Variants in CDC73 observed in about 807,000 individuals in gnomAD.
CDC73 encodes parafibromin.
CDC73 carries 21 observed loss-of-function variants against 83.7 expected under a neutral mutation model. The observed-to-expected ratio is 0.25, with a 90% CI of 0.18 to 0.36. CDC73 has a LOEUF of 0.36. Among genes scored for constraint, CDC73 ranks in the 10% least tolerant of loss-of-function variants. The pLI, the probability that CDC73 is intolerant of heterozygous loss-of-function variation, is 1.00. For synonymous variants in CDC73, 224 were observed against 212.9 expected (o/e 1.05, Z -0.45); for missense variants, 342 against 653.3 (o/e 0.52, Z 5.19).
chr1:193,167,009 T>C (rs912203778), intron 10 of CDC73, among the ~76,000 whole-genome samples: 2 of 152,238 alleles, frequency 1.3e-5, no homozygotes, highest in African/African-American at 2.4e-5. Context: ...CCAAAATTGA[T>C]TGCAAATTCA....
intron 10 of CDC73, among the ~76,000 whole-genome samples, chr1:193,164,799 AT>A (rs1326578672): frequency 7.2e-5 from 11 of 152,268 alleles, no homozygotes; most frequent in African/African-American, 2.6e-4. Context: ...AGATGTATAG[AT>A]TACTGAGTCA....
At chr1:193,173,326 T>C (rs1676550575) in intron 10 of CDC73, among the ~76,000 whole-genome samples, 1 of 152,224 alleles carries the variant, frequency 6.6e-6, no homozygotes, top group African/African-American at 2.4e-5. Flanking sequence ...TCACACAGAT[T>C]GTATAATTAC....
chr1:193,166,681 C>G (rs1478450045), intron 10 of CDC73, among the ~76,000 whole-genome samples: 7 of 147,188 alleles, frequency 4.8e-5, no homozygotes, highest in Non-Finnish European at 7.4e-5. Context: ...CCGAGTTTTG[C>G]TCTTGTTGCC....
At chr1:193,188,172 G>A (rs1676852777) in intron 10 of CDC73, among the ~76,000 whole-genome samples, 1 of 152,184 alleles carries the variant, frequency 6.6e-6, no homozygotes, top group Admixed American at 6.5e-5. Flanking sequence ...TGCGTGCTAA[G>A]CTTACTTGAG....
At chr1:193,152,917 A>G (rs1341736978) in intron 10 of CDC73, among the ~76,000 whole-genome samples, 1 of 152,048 alleles carries the variant, frequency 6.6e-6, no homozygotes, top group East Asian at 1.9e-4. Flanking sequence ...AGTAGCTGGG[A>G]CTACAGGTGC....
At chr1:193,210,012 T>A (rs1358962373) in intron 11 of CDC73, among the ~76,000 whole-genome samples, 2 of 152,228 alleles carry the variant, frequency 1.3e-5, no homozygotes, top group East Asian at 3.8e-4. Flanking sequence ...ACCGAGACTA[T>A]ATTATATTCC....
intron 10 of CDC73, among the ~76,000 whole-genome samples, chr1:193,178,688 A>G (rs1280450696): frequency 6.6e-6 from 1 of 152,194 alleles, no homozygotes; most frequent in East Asian, 1.9e-4. Context: ...AGTGAAAGAC[A>G]GGCTTGATCC....
chr1:193,212,046 T>C lies in CDC73; in HGVS notation c.1031-19T>C. 6.4e-7 allele frequency: 1 copy of C among 1,560,358 alleles called. No individual in the cohort carries two copies. The highest frequency in any genetic ancestry group is 8.8e-7 in the Non-Finnish European group (1 of 1,142,254). On this transcript the variant is annotated intron_variant, in intron 11 of 16. Coordinates refer to ENST00000367435, the MANE Select transcript of CDC73 (RefSeq NM_024529.5). ...TGGTTTTTATGACACAGAGTTGTGA[T>C]TTTTTTTCTTTTTCACAGTTTCTCA...
chr1:193,169,456 G>A (rs371625846), intron 10 of CDC73, among the ~76,000 whole-genome samples: 1 of 151,952 alleles, frequency 6.6e-6, no homozygotes, highest in South Asian at 2.1e-4. Flanking sequence ...GAGGTAGGAG[G>A]ATCACTTGAG....
Position 193,122,311 on chromosome 1 carries a change from G to A in CDC73, c.111G>A (p.Lys37=), listed in dbSNP as rs1355286253. Residue 37 remains lysine, a synonymous_variant, in exon 1 of 17, where the codon AAG becomes AAA. Coordinates refer to ENST00000367435, the MANE Select transcript of CDC73 (RefSeq NM_024529.5). ...AGTTCTCCTGGCCCAAGAATGTGAAGACCAACTATGTTGTTTGGGGGTAAG... is the reference window on the plus strand; with the variant it reads ...AGTTCTCCTGGCCCAAGAATGTGAAAACCAACTATGTTGTTTGGGGGTAAG... ...FGEFSWPKNV[K]TNYVVWGTGK... The A allele has an allele frequency of 5.0e-6, 8 of 1,614,062 alleles. No individual in the cohort carries two copies. The highest frequency in any genetic ancestry group is 4.4e-5 in the South Asian group (4 of 91,086).
At chr1:193,250,500 AG>A (rs1196071678) in intron 16 of CDC73, among the ~76,000 whole-genome samples, 175 bp from the exon 17 acceptor site, 1 of 151,818 alleles carries the variant, frequency 6.6e-6, no homozygotes, top group Non-Finnish European at 1.5e-5. Flanking sequence ...TTACTTAATA[AG>A]AGGAGTGTTA....
chr1:193,173,914 C>G (rs1676561063), intron 10 of CDC73, among the ~76,000 whole-genome samples: 1 of 151,774 alleles, frequency 6.6e-6, no homozygotes, highest in Admixed American at 6.6e-5. Context: ...TTTGGGATAT[C>G]TTTATTCTAA....
intron 10 of CDC73, among the ~76,000 whole-genome samples, chr1:193,166,672 C>T (rs1050725811): frequency 3.4e-5 from 5 of 148,396 alleles, no homozygotes; most frequent in African/African-American, 9.9e-5. Context: ...TTTTTGAGAC[C>T]GAGTTTTGCT....
intron 10 of CDC73, among the ~76,000 whole-genome samples, chr1:193,182,504 C>T (rs1676734030): frequency 6.6e-6 from 1 of 152,034 alleles, no homozygotes; most frequent in South Asian, 2.1e-4. Flanking sequence ...ACTTTGAAAC[C>T]AACTGTTTAA....
intron 10 of CDC73, among the ~76,000 whole-genome samples, chr1:193,177,632 C>T (rs1180564581): frequency 6.6e-6 from 1 of 151,606 alleles, no homozygotes; most frequent in Admixed American, 6.6e-5. Context: ...TCCTTCCTGT[C>T]TTAGTGTTGT....
At chr1:193,158,639 T>C (rs1676250373) in intron 10 of CDC73, among the ~76,000 whole-genome samples, 1 of 152,236 alleles carries the variant, frequency 6.6e-6, no homozygotes, top group Non-Finnish European at 1.5e-5. Context: ...GACTGGCATA[T>C]TATTCTATTT....
intron 10 of CDC73, among the ~76,000 whole-genome samples, chr1:193,174,921 G>A (rs988056932): frequency 2.0e-5 from 3 of 152,124 alleles, no homozygotes; most frequent in East Asian, 1.9e-4. Flanking sequence ...TGCTTTAAAC[G>A]AAAAGAGTGA....
chr1:193,214,666 C>T (rs1372412487), intron 13 of CDC73, among the ~76,000 whole-genome samples: 2 of 152,196 alleles, frequency 1.3e-5, no homozygotes, highest in African/African-American at 4.8e-5. Flanking sequence ...TTGCAGTGAG[C>T]TGAGATGCCG....
At chr1:193,147,128 C>T (rs933752164) in intron 7 of CDC73, among the ~76,000 whole-genome samples, 2 of 151,168 alleles carry the variant, frequency 1.3e-5, no homozygotes, top group African/African-American at 4.9e-5. Flanking sequence ...AAGTAGCTGA[C>T]ACTATAGGTG....
Sources: allele counts gnomAD v4.1 joint callset (sites outside exome capture counted in the v4.1 genomes callset), GRCh38; gene constraint gnomAD v4.1.1; transcripts MANE v1.5; gene names NCBI Gene and HGNC (gene_info 2026-07-23, HGNC 2026-07-21).